Variants in ECE2 observed in about 807,000 individuals in gnomAD.
ECE2 encodes endothelin-converting enzyme 2.
ECE2 carries 81 observed loss-of-function variants against 100.6 expected under a neutral mutation model. That is an observed-to-expected ratio of 0.81 (90% CI 0.67 to 0.97). The LOEUF is 0.97. Ranked by LOEUF, ECE2 falls within the 50% of genes least tolerant of loss-of-function variation. The pLI, the probability that ECE2 is intolerant of heterozygous loss-of-function variation, is 0.00. For synonymous variants in ECE2, 391 were observed against 391.5 expected (o/e 1.00, Z 0.02); for missense variants, 911 against 988.1 (o/e 0.92, Z 1.05).
chr3:184,283,048 C>T (rs1720872128), intron 7 of ECE2, among the ~76,000 whole-genome samples: 1 of 152,134 alleles, frequency 6.6e-6, no homozygotes. Flanking sequence ...AGAGAAGGCA[C>T]ATGGTCACTG....
In ECE2 at chr3:184,291,227, C is replaced by A. The variant is rs1423208765; in HGVS notation, c.2022C>A (p.Tyr674Ter). The A allele has an allele frequency of 6.2e-7, 1 of 1,611,026 alleles. No homozygotes were observed. The highest frequency in any genetic ancestry group is 2.2e-5 in the East Asian group (1 of 44,862). Residue 674 changes from tyrosine to a stop codon, truncating the protein, a stop_gained, in exon 17 of 19, where the codon TAC becomes TAA. Coordinates refer to ENST00000404464, the MANE Select transcript of ECE2 (RefSeq NM_001100121.2). LOFTEE classifies it high-confidence loss of function. The surrounding 1 kb of genome is among the most constrained non-coding windows in gnomAD (Gnocchi z 4.1). ...IADNGGLKAA[Y>*]NAYKAWLRKH... ...ACAACGGGGGGCTGAAGGCTGCCTA[C>A]AATGTGAGTGGCCTGACCAGCCCTC...
rs576418659 is a variant in ECE2, at chr3:184,277,170, G to C, written c.263-81G>C. 3.4e-5 allele frequency: 55 copies of C among 1,604,076 alleles called. 1 individual carries two copies. The East Asian group carries it at 6.9e-4, about 20-fold the overall frequency. On this transcript the variant is annotated intron_variant, in intron 3 of 18. Transcript: ENST00000404464. ...GCTTTCTCTTCCCAACCTTCCTGCT[G>C]TCATGGCCCTTGCAGAGTTTGCCTC...
chr3:184,277,866 G>A (rs1432613413), intron 4 of ECE2, 59 bp from the exon 5 acceptor site: 2 of 1,591,902 alleles, frequency 1.3e-6, no homozygotes, highest in Non-Finnish European at 1.7e-6. Flanking sequence ...GCAAGGGCCA[G>A]GGACTCCCCC....
In ECE2 at chr3:184,277,436, C is replaced by A. The variant is rs763951338; in HGVS notation, c.448C>A (p.Gln150Lys). The A allele has an allele frequency of 3.7e-5, 60 of 1,614,116 alleles. No homozygotes were observed. The highest frequency in any genetic ancestry group is 4.2e-5 in the Non-Finnish European group (49 of 1,180,046). Reference protein sequence around the residue: ...RWNTFNSLWDQNQAILKHLLE... With the variant: ...RWNTFNSLWDKNQAILKHLLE... Reference sequence around the variant, plus strand: ...GAACACCTTCAACAGCCTCTGGGACCAAAACCAGGCCATACTGAAGCACCT... The same window carrying A: ...GAACACCTTCAACAGCCTCTGGGACAAAAACCAGGCCATACTGAAGCACCT... The change falls in exon 4 of 19, where the codon CAA (glutamine) becomes AAA (lysine). Residue 150 changes from glutamine (Q) to lysine (K), a missense_variant. Gln to Lys is a moderately conservative substitution (Grantham distance 53). Transcript: ENST00000404464.
chr3:184,277,281 C>G lies in ECE2; in HGVS notation c.293C>G (p.Ala98Gly), dbSNP rs56132089. 1,221 of 1,614,228 alleles carry G rather than the reference C, an allele frequency of 7.6e-4. No individual in the cohort carries two copies. Among genetic ancestry groups the G allele is most frequent in the Non-Finnish European group, 8.3e-4 (984 of 1,180,032 alleles). ...TCCCACAGCACCTGCCTTACAGAGG[C>G]CTGCATTCGAGTGGCTGGAAAAATC... ...DPSHSTCLTEACIRVAGKILE... is the reference protein window; with the variant it reads ...DPSHSTCLTEGCIRVAGKILE... The change falls in exon 4 of 19, where the codon GCC (alanine) becomes GGC (glycine). Residue 98 changes from alanine to glycine, a missense_variant. Physicochemically the swap from Ala to Gly is moderately conservative, Grantham distance 60. Transcript: ENST00000404464.
Position 184,289,454 on chromosome 3 carries a change from C to T in ECE2, c.1392C>T (p.Ser464=), listed in dbSNP as rs369611477. 2.5e-6 allele frequency: 4 copies of T among 1,608,308 alleles called. No homozygotes were observed. Among genetic ancestry groups the T allele is most frequent in the African/African-American group, 1.3e-5 (1 of 74,760 alleles). Residue 464 remains serine, a synonymous_variant, in exon 12 of 19, where the codon AGC becomes AGT. Coordinates refer to ENST00000404464, the MANE Select transcript of ECE2 (RefSeq NM_001100121.2). This position sits in a 1 kb window ranked among gnomAD's most constrained non-coding sequence, Gnocchi z 4.1. ...CCTCCCAGGCAGAGGGGATGATCAG[C>T]GAAATCCGGACCGCATTTGAGGAGG... is the stretch of plus-strand genomic sequence containing the variant. ...QSKEIAEGMI[S]EIRTAFEEAL...
chr3:184,276,093 C>G lies in ECE2; in HGVS notation c.-61C>G. ...GCGGGGCCGGGCAGGGGACCGGGGC[C>G]GCGGCCCGGGAGCGGGCCAGCTGCC... On this transcript the variant is annotated 5_prime_UTR_variant, in exon 1 of 19. Coordinates refer to ENST00000404464, the MANE Select transcript of ECE2 (RefSeq NM_001100121.2). 1 of 1,254,640 alleles carries G rather than the reference C, an allele frequency of 8.0e-7. No homozygotes were observed. Among genetic ancestry groups the G allele is most frequent in the African/African-American group, 1.6e-5 (1 of 64,240 alleles). 77.7% of individuals were successfully genotyped at this position (1,254,640 alleles called of 1,614,324 possible).
intron 11 of ECE2, among the ~76,000 whole-genome samples, chr3:184,288,309 C>CAAAAAAAAAAA (rs10608428): frequency 8.7e-5 from 8 of 91,470 alleles, no homozygotes; most frequent in Admixed American, 1.3e-4. Flanking sequence ...AACTCTGTCT[C>CAAAAAAAAAAA]AAAAAAAAAA....
Position 184,289,499 on chromosome 3 carries a change from G to T in ECE2, c.1437G>T (p.Trp479Cys). The change falls in exon 12 of 19, where the codon TGG becomes TGT. Residue 479 changes from tryptophan (W) to cysteine (C), a missense_variant. Coordinates refer to ENST00000404464, the MANE Select transcript of ECE2 (RefSeq NM_001100121.2). The surrounding 1 kb of genome is among the most constrained non-coding windows in gnomAD (Gnocchi z 4.1). ...AFEEALGQLV[W>C]MDEKTRQAAK... is the part of the protein sequence containing the mutation. ...AGGAGGCCCTGGGACAGCTGGTTTG[G>T]ATGGATGAGAAGACCCGCCAGGCAG... 1 of 1,612,684 alleles carries T rather than the reference G, an allele frequency of 6.2e-7. No individual in the cohort carries two copies. The highest frequency in any genetic ancestry group is 8.5e-7 in the Non-Finnish European group (1 of 1,179,434).
Position 184,276,062 on chromosome 3 carries a change from G to C in ECE2, c.-92G>C. On this transcript the variant is annotated 5_prime_UTR_variant, in exon 1 of 19. Coordinates refer to ENST00000404464, the MANE Select transcript of ECE2 (RefSeq NM_001100121.2). Reference sequence around the variant, plus strand: ...TGCTGCGCGGCGGCCGTGATGGCTGGTGACGGCGGGGCCGGGCAGGGGACC... The same window carrying C: ...TGCTGCGCGGCGGCCGTGATGGCTGCTGACGGCGGGGCCGGGCAGGGGACC... 8.3e-7 allele frequency: 1 copy of C among 1,198,676 alleles called. No homozygotes were observed. The highest frequency in any genetic ancestry group is 1.0e-6 in the Non-Finnish European group (1 of 966,706). 74.3% of individuals were successfully genotyped at this position (1,198,676 alleles called of 1,614,324 possible).
chr3:184,291,355 A>G lies in ECE2; in HGVS notation c.2037A>G (p.Ala679=), dbSNP rs765218361. 1.9e-6 allele frequency: 3 copies of G among 1,607,830 alleles called. No homozygotes were observed. Among genetic ancestry groups the G allele is most frequent in the Admixed American group, 3.4e-5 (2 of 59,348 alleles). Residue 679 remains alanine, a synonymous_variant, in exon 18 of 19, where the codon GCA becomes GCG. Coordinates refer to ENST00000404464, the MANE Select transcript of ECE2 (RefSeq NM_001100121.2). This position sits in a 1 kb window ranked among gnomAD's most constrained non-coding sequence, Gnocchi z 4.1. The stretch of plus-strand genomic sequence containing the variant: ...TGTTCTGTCCCCAGGCTTACAAAGC[A>G]TGGCTGAGAAAGCATGGGGAGGAGC... The part of the protein sequence containing the change: ...GLKAAYNAYK[A]WLRKHGEEQQ...
chr3:184,287,689 T>G (rs1201111842), intron 10 of ECE2, 148 bp from the exon 11 acceptor site: 1 of 640,966 alleles, frequency 1.6e-6, no homozygotes, highest in African/African-American at 1.8e-5. Flanking sequence ...AGCAAGACCC[T>G]GTCTCAAAAA....
At position 184,276,885 on chromosome 3, in the gene ECE2, T is replaced by C. The variant is rs374779542; in HGVS notation, c.127-7T>C. ...TCAGTCACTCTCTGTCCCCCTGTGT[T>C]CCCCAGGTGGGATTCCAGAAGGGGA... On this transcript the variant is annotated splice_region_variant and splice_polypyrimidine_tract_variant and intron_variant, in intron 2 of 18. Transcript: ENST00000404464. 48 of 1,613,768 alleles carry C rather than the reference T, an allele frequency of 3.0e-5. 1 individual carries two copies. In the African/African-American group the frequency reaches 5.6e-4, roughly 19 times the overall value.
chr3:184,277,186 A>G (rs771889063), intron 3 of ECE2, 65 bp from the exon 4 acceptor site: 15 of 1,608,000 alleles, frequency 9.3e-6, no homozygotes, highest in Non-Finnish European at 1.3e-5. Context: ...GCCCTTGCAG[A>G]GTTTGCCTCT....
At chr3:184,287,014 C>G (rs1045362945) in intron 10 of ECE2, among the ~76,000 whole-genome samples, 1 of 151,828 alleles carries the variant, frequency 6.6e-6, no homozygotes, top group Non-Finnish European at 1.5e-5. Flanking sequence ...TAGCTCATGC[C>G]TGTAATCCCA....
chr3:184,277,293 T>C lies in ECE2; in HGVS notation c.305T>C (p.Val102Ala). The part of the protein sequence containing the change: ...STCLTEACIR[V>A]AGKILESLDR... ...TGCCTTACAGAGGCCTGCATTCGAG[T>C]GGCTGGAAAAATCCTGGAGTCCCTG... is the stretch of plus-strand genomic sequence containing the variant. The change falls in exon 4 of 19, where the codon GTG (valine) becomes GCG (alanine). Residue 102 changes from valine to alanine, a missense_variant. Physicochemically the swap from Val to Ala is moderately conservative, Grantham distance 64. Transcript: ENST00000404464. The C allele has an allele frequency of 6.2e-7, 1 of 1,614,062 alleles. No individual in the cohort carries two copies. The highest frequency in any genetic ancestry group is 8.5e-7 in the Non-Finnish European group (1 of 1,179,990).
intron 10 of ECE2, among the ~76,000 whole-genome samples, chr3:184,287,430 G>C (rs143420451): frequency 6.6e-6 from 1 of 152,168 alleles, no homozygotes; most frequent in Non-Finnish European, 1.5e-5. Context: ...GGTGGCTCAT[G>C]CCTTTAATCC....
At position 184,291,523 on chromosome 3, in the gene ECE2, T is replaced by G. The variant is rs55942143; in HGVS notation, c.2121+84T>G. 0.021 allele frequency: 26,928 copies of G among 1,279,414 alleles called. 355 individuals carry two copies. Among genetic ancestry groups the G allele is most frequent in the Non-Finnish European group, 0.025 (23,437 of 945,874 alleles). 79.3% of individuals were successfully genotyped at this position (1,279,414 alleles called of 1,614,324 possible). On this transcript the variant is annotated intron_variant, in intron 18 of 18. Coordinates refer to ENST00000404464, the MANE Select transcript of ECE2 (RefSeq NM_001100121.2). The surrounding 1 kb of genome is among the most constrained non-coding windows in gnomAD (Gnocchi z 4.1). The stretch of plus-strand genomic sequence containing the variant: ...GTCATTAGGAGAACTCTGGGGCACG[T>G]GTCAAACGGGCTGGTGAATGGGGCT...
Position 184,285,529 on chromosome 3 carries a change from C to G in ECE2, c.1200C>G (p.Ser400Arg). 6.2e-7 allele frequency: 1 copy of G among 1,614,190 alleles called. No homozygotes were observed. Among genetic ancestry groups the G allele is most frequent in the Non-Finnish European group, 8.5e-7 (1 of 1,180,048 alleles). Residue 400 changes from serine (S) to arginine (R), a missense_variant, in exon 10 of 19, where the codon AGC becomes AGG. Physicochemically the swap from Ser to Arg is moderately radical, Grantham distance 110. Transcript: ENST00000404464. ...IWNLVQKTTS[S>R]LDRRFESAQE... ...ACCTGGTGCAAAAGACAACCTCAAGCCTGGACCGACGCTTTGAGTCTGCAC... is the reference window on the plus strand; with the variant it reads ...ACCTGGTGCAAAAGACAACCTCAAGGCTGGACCGACGCTTTGAGTCTGCAC...
Sources: gnomAD v4.1 joint callset for allele counts (sites outside exome capture counted in the v4.1 genomes callset) on GRCh38, gnomAD v4.1.1 for gene constraint, Gnocchi (gnomAD v3.1) non-coding constraint, MANE v1.5 for transcripts, NCBI Gene and HGNC (gene_info 2026-07-23, HGNC 2026-07-21) for gene names.